Variants in CIMIP2C observed in about 807,000 individuals in gnomAD.
CIMIP2C encodes ciliary microtubule inner protein 2C.
chr2:26,562,752 C>G, the CIMIP2C span: 7 of 1,358,138 alleles, frequency 5.2e-6, no homozygotes, highest in Middle Eastern at 1.8e-4. Flanking sequence ...GATCGAAATT[C>G]AGCCCCCTGC....
the CIMIP2C span, among the ~76,000 whole-genome samples, chr2:26,566,713 G>C: frequency 6.6e-6 from 1 of 152,090 alleles, no homozygotes. Flanking sequence ...GTCTCCTTTG[G>C]TTTTAGTGTG....
chr2:26,571,839 A>G, the CIMIP2C span, among the ~76,000 whole-genome samples: 1 of 152,212 alleles, frequency 6.6e-6, no homozygotes, highest in East Asian at 1.9e-4. Context: ...ATGGATGGAT[A>G]TAAAGACAGA....
chr2:26,576,323 A>G, the CIMIP2C span: 2 of 1,039,840 alleles, frequency 1.9e-6, no homozygotes, highest in East Asian at 2.6e-5. Context: ...GCCAGCAGAG[A>G]GCATGGTGGG....
chr2:26,568,894 AC>A, the CIMIP2C span, among the ~76,000 whole-genome samples: 1 of 151,706 alleles, frequency 6.6e-6, no homozygotes, highest in African/African-American at 2.4e-5. Flanking sequence ...AGTGGCGGGC[AC>A]CTGTAATCCC....
At chr2:26,577,336 G>T in the CIMIP2C span, among the ~76,000 whole-genome samples, 1 of 152,206 alleles carries the variant, frequency 6.6e-6, no homozygotes. Flanking sequence ...TCGTGACTCA[G>T]TGAGGACACC....
At chr2:26,565,389 C>T in the CIMIP2C span, among the ~76,000 whole-genome samples, 2 of 152,218 alleles carry the variant, frequency 1.3e-5, no homozygotes, top group Non-Finnish European at 2.9e-5. Context: ...CCACGCCTGG[C>T]CTTTTTTCTT....
chr2:26,566,501 G>A, the CIMIP2C span, among the ~76,000 whole-genome samples: 12 of 152,198 alleles, frequency 7.9e-5, no homozygotes, highest in South Asian at 2.1e-4. Flanking sequence ...ACATTCATCC[G>A]TATCTGTGGT....
chr2:26,566,001 G>A, the CIMIP2C span, among the ~76,000 whole-genome samples: 1 of 152,234 alleles, frequency 6.6e-6, no homozygotes, highest in Admixed American at 6.5e-5. Context: ...CAGAGCCCCT[G>A]AGATTTGAAG....
chr2:26,571,721 T>C, the CIMIP2C span, among the ~76,000 whole-genome samples: 1 of 152,210 alleles, frequency 6.6e-6, no homozygotes, highest in Non-Finnish European at 1.5e-5. Context: ...AGAGTTTCTC[T>C]TTATGTGTAT....
chr2:26,575,608 G>A, the CIMIP2C span, among the ~76,000 whole-genome samples: 1 of 152,230 alleles, frequency 6.6e-6, no homozygotes, highest in African/African-American at 2.4e-5. Flanking sequence ...GCAGGTCAGT[G>A]CACCTGGGGA....
the CIMIP2C span, chr2:26,578,619 T>C: frequency 2.7e-6 from 1 of 368,052 alleles, no homozygotes; most frequent in Non-Finnish European, 5.5e-6. Flanking sequence ...TCGGGGGCTC[T>C]CTCTAATCTT....
chr2:26,578,554 G>C, the CIMIP2C span: 1 of 297,358 alleles, frequency 3.4e-6, no homozygotes. Flanking sequence ...TGGCCTGGAT[G>C]GTTGGAGGCA....
chr2:26,565,663 C>T, the CIMIP2C span, among the ~76,000 whole-genome samples: 1 of 152,134 alleles, frequency 6.6e-6, no homozygotes. Context: ...ACTTATCCCC[C>T]CTGCCTCACC....
chr2:26,577,389 C>G, the CIMIP2C span: 59 of 827,356 alleles, frequency 7.1e-5, no homozygotes, highest in South Asian at 8.3e-4. Context: ...AACTCCGGGA[C>G]TCCTCCGGGG....
the CIMIP2C span, among the ~76,000 whole-genome samples, chr2:26,576,744 T>C: frequency 1.3e-5 from 2 of 152,250 alleles, no homozygotes; most frequent in Non-Finnish European, 2.9e-5. Flanking sequence ...GGGAGTGAGC[T>C]CGAGGAAGGG....
At chr2:26,564,961 C>T in the CIMIP2C span, among the ~76,000 whole-genome samples, 1 of 152,170 alleles carries the variant, frequency 6.6e-6, no homozygotes, top group Non-Finnish European at 1.5e-5. Context: ...CCATGATCTC[C>T]TAAGTCTGAG....
the CIMIP2C span, chr2:26,577,579 T>G: frequency 6.2e-7 from 1 of 1,614,086 alleles, no homozygotes. Context: ...AGTCCCCTAC[T>G]TTGCGATGCC....
the CIMIP2C span, among the ~76,000 whole-genome samples, chr2:26,566,610 A>G: frequency 6.6e-6 from 1 of 152,236 alleles, no homozygotes; most frequent in Non-Finnish European, 1.5e-5. Flanking sequence ...CCATTATATA[A>G]CATTTCCACC....
the CIMIP2C span, chr2:26,579,381 G>A: frequency 6.2e-7 from 1 of 1,614,090 alleles, no homozygotes; most frequent in South Asian, 1.1e-5. Flanking sequence ...CATCAGGGAA[G>A]AGGGTCTCTC....
Sources: allele counts gnomAD v4.1 joint callset (sites outside exome capture counted in the v4.1 genomes callset), GRCh38; gene constraint gnomAD v4.1.1; transcripts MANE v1.5; gene names NCBI Gene and HGNC (gene_info 2026-07-23, HGNC 2026-07-21).